CLSTN2: variants seen among roughly 807,000 people sequenced by gnomAD.
The protein encoded by CLSTN2 is calsyntenin 2.
In CLSTN2, 48 loss-of-function variants were observed where a neutral mutation model predicts 101.2. The observed-to-expected ratio is 0.47, with a 90% CI of 0.38 to 0.60. CLSTN2 has a LOEUF of 0.60. CLSTN2 is among the 20% of genes least tolerant of loss of function. CLSTN2 has a pLI of 0.00. For synonymous variants in CLSTN2, 481 were observed against 463.6 expected, an observed-to-expected ratio of 1.04 and a Z score of -0.48; for missense variants, 1,160 against 1,238.2, an observed-to-expected ratio of 0.94 and a Z score of 0.95.
At chr3:140,096,296 T>A (rs1157310500) in intron 1 of CLSTN2, among the ~76,000 whole-genome samples, 1 of 152,218 alleles carries the variant, frequency 6.6e-6, no homozygotes, top group East Asian at 1.9e-4. Context: ...TTCTATCTAA[T>A]GCAAATCATG....
intron 1 of CLSTN2, among the ~76,000 whole-genome samples, chr3:139,957,523 G>T (rs1488389953): frequency 6.6e-6 from 1 of 151,282 alleles, no homozygotes; most frequent in Non-Finnish European, 1.5e-5. Context: ...AGCCTGATTG[G>T]TTTATTAGAT....
chr3:140,526,879 C>T (rs1023044120), intron 8 of CLSTN2, among the ~76,000 whole-genome samples: 1 of 152,074 alleles, frequency 6.6e-6, no homozygotes, highest in Non-Finnish European at 1.5e-5. Flanking sequence ...AACGGGCTAG[C>T]CATATGGAAA....
chr3:140,157,259 G>A (rs1188689884), intron 1 of CLSTN2, among the ~76,000 whole-genome samples: 1 of 151,858 alleles, frequency 6.6e-6, no homozygotes, highest in Admixed American at 6.6e-5. Context: ...CAAAGAATTG[G>A]TTAGGGAGGA....
At chr3:140,299,655 C>A (rs2087039047) in intron 2 of CLSTN2, among the ~76,000 whole-genome samples, 1 of 152,194 alleles carries the variant, frequency 6.6e-6, no homozygotes, top group Non-Finnish European at 1.5e-5. Context: ...TATTGACTTA[C>A]ATCCCACTTT....
chr3:140,374,839 A>G (rs531023236), intron 2 of CLSTN2, among the ~76,000 whole-genome samples: 5 of 152,330 alleles, frequency 3.3e-5, no homozygotes, highest in African/African-American at 1.2e-4. Context: ...GATTGCTGTT[A>G]TCAGCAGACC....
At position 140,179,645 on chromosome 3, in the gene CLSTN2, A is replaced by C. The variant is rs868182999; in HGVS notation, c.232+3572A>C. On this transcript the variant is annotated intron_variant, in intron 2 of 16. Coordinates refer to ENST00000458420, the MANE Select transcript of CLSTN2 (RefSeq NM_022131.3). Reference sequence around the variant, plus strand: ...CAAAAAAAAAAAAAAAAAAAAAAAAAAAAAAAACCTTGCTATTATACCTCA... The same window carrying C: ...CAAAAAAAAAAAAAAAAAAAAAAAACAAAAAAACCTTGCTATTATACCTCA... Among the ~76,000 whole-genome samples the C allele has an allele frequency of 3.0e-3, 453 of 149,564 alleles. 2 individuals carry two copies. The highest frequency in any genetic ancestry group is 0.01 in the African/African-American group (426 of 40,824).
At chr3:140,269,006 G>A (rs2086718759) in intron 2 of CLSTN2, among the ~76,000 whole-genome samples, 2 of 152,038 alleles carry the variant, frequency 1.3e-5, no homozygotes, top group South Asian at 2.1e-4. Flanking sequence ...AATTGATCAG[G>A]GACGTCTTGA....
At chr3:139,993,307 A>C (rs974419063) in intron 1 of CLSTN2, among the ~76,000 whole-genome samples, 1 of 152,110 alleles carries the variant, frequency 6.6e-6, no homozygotes, top group African/African-American at 2.4e-5. Flanking sequence ...CACTGGTTCC[A>C]AGATTTAGAT....
chr3:140,140,766 G>C (rs1460451915), intron 1 of CLSTN2, among the ~76,000 whole-genome samples: 1 of 152,206 alleles, frequency 6.6e-6, no homozygotes, highest in Non-Finnish European at 1.5e-5. Flanking sequence ...AAGTGGCAAA[G>C]TCAGGATTGA....
At position 140,171,908 on chromosome 3, in the gene CLSTN2, ATG is replaced by A. The variant is rs564965179; in HGVS notation, c.110-4027_110-4026del. Among the ~76,000 whole-genome samples, 1,056 of 130,252 alleles carry A rather than the reference ATG, an allele frequency of 8.1e-3. 17 individuals carry two copies. Among genetic ancestry groups the A allele is most frequent in the African/African-American group, 0.029 (1,000 of 34,660 alleles). The allele number at this position is 130,252 out of a possible 152,430, so 85.5% of individuals were successfully genotyped here. ...TATTATATAATATATATTATATATT[ATG>A]TGTGTGTGTGTGTGTTTGCACTTCT... On this transcript the variant is annotated intron_variant, in intron 1 of 16. Transcript: ENST00000458420.
chr3:140,226,830 A>T (rs371633547), intron 2 of CLSTN2, among the ~76,000 whole-genome samples: 108 of 152,292 alleles, frequency 7.1e-4, no homozygotes, highest in African/African-American at 2.4e-3. Context: ...ATGGCAGCAA[A>T]GGGAGAGTTT....
At chr3:140,564,342 C>T (rs1309106556) in intron 16 of CLSTN2, among the ~76,000 whole-genome samples, 197 bp downstream of exon 16, 2 of 152,218 alleles carry the variant, frequency 1.3e-5, no homozygotes, top group Non-Finnish European at 2.9e-5. Flanking sequence ...TTCCCACCAA[C>T]TACATTCTCT....
chr3:140,414,428 T>C (rs1025127466), intron 4 of CLSTN2, among the ~76,000 whole-genome samples: 2 of 151,986 alleles, frequency 1.3e-5, no homozygotes, highest in African/African-American at 4.8e-5. Flanking sequence ...TGTTTATGGA[T>C]TGGAAGAATC....
chr3:140,534,782 C>G (rs918094256), intron 9 of CLSTN2, among the ~76,000 whole-genome samples: 1 of 152,222 alleles, frequency 6.6e-6, no homozygotes, highest in African/African-American at 2.4e-5. Flanking sequence ...GAAATCTACA[C>G]TGTATCTAGA....
At chr3:140,317,654 C>A (rs184704323) in intron 2 of CLSTN2, among the ~76,000 whole-genome samples, 42 of 152,300 alleles carry the variant, frequency 2.8e-4, no homozygotes, top group African/African-American at 8.7e-4. Flanking sequence ...ACCTAACTTA[C>A]TCTCTGAATA....
At chr3:140,440,125 A>G (rs1289330403) in intron 5 of CLSTN2, among the ~76,000 whole-genome samples, 4 of 152,142 alleles carry the variant, frequency 2.6e-5, no homozygotes, top group African/African-American at 7.2e-5. Flanking sequence ...GCCAATACCA[A>G]TAAGGGCTCC....
At chr3:140,413,345 T>C (rs2088387714) in intron 4 of CLSTN2, among the ~76,000 whole-genome samples, 1 of 151,984 alleles carries the variant, frequency 6.6e-6, no homozygotes, top group South Asian at 2.1e-4. Flanking sequence ...GACAGAATAA[T>C]AAGGAAATGA....
intron 1 of CLSTN2, among the ~76,000 whole-genome samples, chr3:140,162,677 T>G (rs2010067552): frequency 6.6e-6 from 1 of 152,172 alleles, no homozygotes; most frequent in Non-Finnish European, 1.5e-5. Flanking sequence ...CTCTGTATCT[T>G]TTCAGGAAGG....
intron 1 of CLSTN2, among the ~76,000 whole-genome samples, chr3:139,949,951 G>A (rs973385515): frequency 2.0e-5 from 3 of 152,174 alleles, no homozygotes; most frequent in African/African-American, 7.2e-5. Context: ...TGTGTGTGTA[G>A]AGGCAAGAAG....
Sources: allele counts gnomAD v4.1 joint callset (sites outside exome capture counted in the v4.1 genomes callset), GRCh38; gene constraint gnomAD v4.1.1; transcripts MANE v1.5; gene names NCBI Gene and HGNC (gene_info 2026-07-23, HGNC 2026-07-21).